Variants in PCDHGA9 observed in about 807,000 individuals in gnomAD.
PCDHGA9 encodes the protein protocadherin gamma subfamily A, 9.
PCDHGA9 carries 37 observed loss-of-function variants against 62.5 expected under a neutral mutation model. The observed-to-expected ratio is 0.59, with a 90% confidence interval of 0.46 to 0.78. The LOEUF (loss-of-function observed/expected upper bound fraction) is 0.78, where lower values mean the gene tolerates loss of function less well. Among genes scored for constraint, PCDHGA9 ranks in the 30% least tolerant of loss-of-function variants. The pLI is 0.00. For synonymous variants in PCDHGA9, 459 were observed against 484.6 expected, an observed-to-expected ratio of 0.95 and a Z score of 0.69; for missense variants, 1,138 against 1,166.2, an observed-to-expected ratio of 0.98 and a Z score of 0.35.
chr5:141,477,080 A>C lies in PCDHGA9; in HGVS notation c.2425-17727A>C. 1 of 1,614,254 alleles carries C rather than the reference A, an allele frequency of 6.2e-7. No homozygotes were observed. ...GGACACCAAACTCCATGAGATTTAC[A>C]TCCAGGCCAAAGACAAGGGCGCCAA... On this transcript the variant is annotated intron_variant, in intron 1 of 3. Coordinates refer to ENST00000573521, the MANE Select transcript of PCDHGA9 (RefSeq NM_018921.3). This position sits in a 1 kb window ranked among gnomAD's most constrained non-coding sequence, Gnocchi z 4.9.
chr5:141,487,109 G>A lies in PCDHGA9; in HGVS notation c.2425-7698G>A. 2 of 1,614,122 alleles carry A rather than the reference G, an allele frequency of 1.2e-6. No homozygotes were observed. Among genetic ancestry groups the A allele is most frequent in the Non-Finnish European group, 1.7e-6 (2 of 1,180,004 alleles). ...CCTCCCACCACAGAAGCTGGTCATTGTGGTAAAGGATAGTGGTAGTCCACC... is the reference window on the plus strand; with the variant it reads ...CCTCCCACCACAGAAGCTGGTCATTATGGTAAAGGATAGTGGTAGTCCACC... On this transcript the variant is annotated intron_variant, in intron 1 of 3. Transcript: ENST00000573521. This position sits in a 1 kb window ranked among gnomAD's most constrained non-coding sequence, Gnocchi z 5.0.
intron 1 of PCDHGA9, among the ~76,000 whole-genome samples, chr5:141,439,495 C>A (rs142329128): frequency 6.6e-6 from 1 of 152,206 alleles, no homozygotes; most frequent in Non-Finnish European, 1.5e-5. Context: ...CAGTGAGAAA[C>A]GTCTTTCTCT....
At chr5:141,455,755 T>C (rs1283272521) in intron 1 of PCDHGA9, among the ~76,000 whole-genome samples, 1 of 152,150 alleles carries the variant, frequency 6.6e-6, no homozygotes, top group Non-Finnish European at 1.5e-5. Flanking sequence ...CTGGCCTGGC[T>C]CCTAGAGCCG....
At chr5:141,420,453 C>A (rs1026053173) in intron 1 of PCDHGA9, 76 of 977,580 alleles carry the variant, frequency 7.8e-5, no homozygotes, top group Non-Finnish European at 8.8e-5. Context: ...AGTCTTCCTA[C>A]TATTCAAAGA....
chr5:141,491,855 G>A lies in PCDHGA9; in HGVS notation c.2425-2952G>A. ...TTCTCGGGATCATTGGACCGTTTGC[G>A]CGAAACCAGAGTGGCCGATTAAGGG... On this transcript the variant is annotated intron_variant, in intron 1 of 3. Coordinates refer to ENST00000573521, the MANE Select transcript of PCDHGA9 (RefSeq NM_018921.3). The surrounding 1 kb of genome is among the most constrained non-coding windows in gnomAD (Gnocchi z 6.9). The A allele has an allele frequency of 2.7e-6, 4 of 1,459,380 alleles. No individual in the cohort carries two copies. The highest frequency in any genetic ancestry group is 3.6e-6 in the Non-Finnish European group (4 of 1,103,492). The allele number at this position is 1,459,380 out of a possible 1,614,324, so 90.4% of individuals were successfully genotyped here. A position where few individuals can be genotyped will look rare whatever the true frequency, so the allele number is the denominator to read the frequency against.
Position 141,485,967 on chromosome 5 carries a change from A to G in PCDHGA9, c.2425-8840A>G, listed in dbSNP as rs751904053. 2.5e-6 allele frequency: 4 copies of G among 1,614,194 alleles called. No individual in the cohort carries two copies. The South Asian group carries it at 4.4e-5, about 18-fold the overall frequency. On this transcript the variant is annotated intron_variant, in intron 1 of 3. Transcript: ENST00000573521. This position sits in a 1 kb window ranked among gnomAD's most constrained non-coding sequence, Gnocchi z 5.7. The stretch of plus-strand genomic sequence containing the variant: ...GCGGGCATGGTGCTCATCCAGCTCA[A>G]TGCCTCAGACCCGGACCTGGGTCCC...
chr5:141,461,196 T>C (rs1398352067), intron 1 of PCDHGA9, among the ~76,000 whole-genome samples: 3 of 152,128 alleles, frequency 2.0e-5, no homozygotes. Context: ...TGTTTTTTGC[T>C]CTTTAGAGAA....
At chr5:141,464,611 A>G (rs2099087451) in intron 1 of PCDHGA9, among the ~76,000 whole-genome samples, 3 of 152,194 alleles carry the variant, frequency 2.0e-5, no homozygotes, top group African/African-American at 7.2e-5. Context: ...TTTGCAGAGT[A>G]TATTGTCAAG....
rs759346998 is a variant in PCDHGA9 at position 141,410,849 on chromosome 5, CTTTTT to C, written c.2424+5491_2424+5495del. On this transcript the variant is annotated intron_variant, in intron 1 of 3. Transcript: ENST00000573521. ...CAGACTGAAGATATTTTGTCTTTGT[CTTTTT>C]TTTTTTTTTTTTTTTTTGAGATGGA... 1.3e-3 allele frequency: 178 copies of C among 137,948 alleles called. 1 individual carries two copies. Among genetic ancestry groups the C allele is most frequent in the East Asian group, 2.3e-3 (10 of 4,422 alleles). 8.5% of individuals were successfully genotyped at this position (137,948 alleles called of 1,614,324 possible). A position where few individuals can be genotyped will look rare whatever the true frequency, so the allele number is the denominator to read the frequency against.
At chr5:141,467,571 A>G (rs1228156610) in intron 1 of PCDHGA9, among the ~76,000 whole-genome samples, 1 of 152,212 alleles carries the variant, frequency 6.6e-6, no homozygotes, top group South Asian at 2.1e-4. Flanking sequence ...ATGGCTATCC[A>G]GTTGTCCCAA....
chr5:141,469,830 A>G (rs184478661), intron 1 of PCDHGA9, among the ~76,000 whole-genome samples: 1 of 152,124 alleles, frequency 6.6e-6, no homozygotes, highest in African/African-American at 2.4e-5. Flanking sequence ...GGTCACATAA[A>G]ACTTATTCTT....
chr5:141,448,099 T>C (rs1002430560), intron 1 of PCDHGA9, among the ~76,000 whole-genome samples: 1 of 151,272 alleles, frequency 6.6e-6, no homozygotes, highest in African/African-American at 2.4e-5. Context: ...AAAAAAAAAA[T>C]TAAAAGAAAA....
rs909444391 is a variant in PCDHGA9 at position 141,450,834 on chromosome 5, T to A, written c.2425-43973T>A. On this transcript the variant is annotated intron_variant, in intron 1 of 3. Transcript: ENST00000573521. ...TATTTAATATTATTATTATTATTTT[T>A]TTTTTTTTGAGATGGGGTCTTGCTC... is the stretch of plus-strand genomic sequence containing the variant. 1.2e-3 allele frequency among the ~76,000 whole-genome samples: 172 copies of A among 148,764 alleles called. 3 individuals are homozygous for A. The highest frequency in any genetic ancestry group is 4.1e-3 in the African/African-American group (166 of 40,236).
chr5:141,405,407 C>CT lies in PCDHGA9; in HGVS notation c.2424+38dup, dbSNP rs762612492. 13 of 1,582,050 alleles carry CT rather than the reference C, an allele frequency of 8.2e-6. No individual in the cohort carries two copies. In the East Asian group the frequency reaches 1.6e-4, roughly 19 times the overall value. On this transcript the variant is annotated intron_variant, in intron 1 of 3. Transcript: ENST00000573521. Reference sequence around the variant, plus strand: ...TTCATTTTTTTTCTTTCTTTCTTTTCTTTTTTTGTTTTTTGTTTTGTTTTG... The same window carrying CT: ...TTCATTTTTTTTCTTTCTTTCTTTTCTTTTTTTTGTTTTTTGTTTTGTTTTG...
intron 1 of PCDHGA9, among the ~76,000 whole-genome samples, chr5:141,481,556 G>T (rs553126587): frequency 6.6e-6 from 1 of 152,148 alleles, no homozygotes; most frequent in African/African-American, 2.4e-5. Flanking sequence ...AGTGGCTCAC[G>T]CCTGTAATCC....
rs201458212 is a variant in PCDHGA9 at position 141,487,439 on chromosome 5, T to A, written c.2425-7368T>A. On this transcript the variant is annotated intron_variant, in intron 1 of 3. Coordinates refer to ENST00000573521, the MANE Select transcript of PCDHGA9 (RefSeq NM_018921.3). The surrounding 1 kb of genome is among the most constrained non-coding windows in gnomAD (Gnocchi z 5.0). ...TGGGATCCTCCGAATCCAGCTAGGG[T>A]CAGATGACCCTATCAAGTTTGTTGA... The A allele has an allele frequency of 1.5e-4, 242 of 1,613,808 alleles. No individual in the cohort carries two copies. Among genetic ancestry groups the A allele is most frequent in the Non-Finnish European group, 1.9e-4 (230 of 1,179,978 alleles).
chr5:141,484,958 G>C (rs2099604320), intron 1 of PCDHGA9: 1 of 575,756 alleles, frequency 1.7e-6, no homozygotes, highest in Non-Finnish European at 3.1e-6. Flanking sequence ...TATTGGCTGA[G>C]CCCGGGAGCC....
At chr5:141,413,115 A>C in intron 1 of PCDHGA9, 1 of 1,507,478 alleles carries the variant, frequency 6.6e-7, no homozygotes, top group Non-Finnish European at 8.9e-7. Context: ...AGACAAAGGA[A>C]CCGGTTGAAA....
chr5:141,403,598 G>A lies in PCDHGA9; in HGVS notation c.646G>A (p.Asp216Asn), dbSNP rs2094431142. The A allele has an allele frequency of 6.2e-7, 1 of 1,613,702 alleles. No homozygotes were observed. Among genetic ancestry groups the A allele is most frequent in the Non-Finnish European group, 8.5e-7 (1 of 1,179,902 alleles). Residue 216 changes from aspartate (D) to asparagine (N), a missense_variant, in exon 1 of 4, where the codon GAT (aspartate) becomes AAT (asparagine). Physicochemically the swap from Asp to Asn is conservative, Grantham distance 23. Transcript: ENST00000573521. ...CCACCACCTGGTCCTCACGGCCTCG[G>A]ATGGCGGCGAGCCGCGTCGCTCCAG... ...TAHHLVLTASDGGEPRRSSTV... is the reference protein window; with the variant it reads ...TAHHLVLTASNGGEPRRSSTV...
Sources: allele counts gnomAD v4.1 joint callset (sites outside exome capture counted in the v4.1 genomes callset), GRCh38; gene constraint gnomAD v4.1.1; non-coding constraint Gnocchi (gnomAD v3.1); transcripts MANE v1.5; gene names NCBI Gene and HGNC (gene_info 2026-07-23, HGNC 2026-07-21).